The following SMAD6 variants were observed in gnomAD, a reference collection of about 807,000 sequenced individuals.
SMAD6 encodes the protein SMAD family member 6.
A neutral mutation model predicts 39.4 loss-of-function variants in SMAD6; 103 were observed. The observed-to-expected ratio is 2.62, with a 90% confidence interval of 2.23 to 3.08. The LOEUF (loss-of-function observed/expected upper bound fraction) is 3.08, where lower values mean the gene tolerates loss of function less well. SMAD6 is among the 30% of genes most tolerant of loss of function. The pLI, the probability that SMAD6 is intolerant of heterozygous loss-of-function variation, is 0.00. For missense variants in SMAD6, 1,104 were observed against 742.9 expected (o/e 1.49, Z -5.65); for synonymous variants, 445 against 353.3 (o/e 1.26, Z -2.91).
At position 66,781,578 on chromosome 15, in the gene SMAD6, C is replaced by T. The variant is rs760233411; in HGVS notation, c.*43C>T. The T allele has an allele frequency of 8.4e-6, 12 of 1,420,138 alleles. No homozygotes were observed. The highest frequency in any genetic ancestry group is 7.5e-5 in the East Asian group (3 of 40,088). The allele number at this position is 1,420,138 out of a possible 1,614,324, so 88.0% of individuals were successfully genotyped here. A position where few individuals can be genotyped will look rare whatever the true frequency, so the allele number is the denominator to read the frequency against. ...GGGGCGGGTGGGAGGCCGCGGCCAC[C>T]GCCACCTGCCGGCCTCGAGAGGGGC... On this transcript the variant is annotated 3_prime_UTR_variant, in exon 4 of 4. Coordinates refer to ENST00000288840, the MANE Select transcript of SMAD6 (RefSeq NM_005585.5).
chr15:66,730,853 A>G (rs1483296203), intron 3 of SMAD6, among the ~76,000 whole-genome samples: 9 of 152,226 alleles, frequency 5.9e-5, no homozygotes, highest in Admixed American at 5.2e-4. Context: ...GTAAATACAG[A>G]GCTGGGGTTT....
chr15:66,706,787 G>A (rs1226273175), intron 1 of SMAD6: 1 of 152,380 alleles, frequency 6.6e-6, no homozygotes, highest in East Asian at 1.9e-4. Flanking sequence ...CCCGGTGACA[G>A]AAGACCCCTT....
chr15:66,780,492 G>A (rs907427772), intron 3 of SMAD6, among the ~76,000 whole-genome samples: 2 of 152,258 alleles, frequency 1.3e-5, no homozygotes, highest in Non-Finnish European at 1.5e-5. Context: ...AAATTCTGGC[G>A]GGGTGCCCTC....
intron 3 of SMAD6, among the ~76,000 whole-genome samples, chr15:66,732,284 A>G (rs1385184656): frequency 1.1e-4 from 17 of 152,202 alleles, no homozygotes. Context: ...GATGTTGGAC[A>G]TGTTTTCATG....
intron 3 of SMAD6, among the ~76,000 whole-genome samples, chr15:66,773,150 T>G (rs116693859): frequency 0.01 from 1,481 of 142,448 alleles, 25 homozygotes; most frequent in African/African-American, 0.036. Flanking sequence ...AATGACCGAT[T>G]AGGAACTTCC....
At position 66,702,273 on chromosome 15, in the gene SMAD6, T is replaced by G. The variant is rs1345209346; in HGVS notation, c.-986T>G. ...GCAGCCAATGACTCCGCGGCGCTCC[T>G]CCGGGGGCCCTCAGTGTGCGTTTGA... On this transcript the variant is annotated 5_prime_UTR_variant, in exon 1 of 4. Transcript: ENST00000288840. 2 of 152,156 alleles carry G rather than the reference T, an allele frequency of 1.3e-5. No individual in the cohort carries two copies. The highest frequency in any genetic ancestry group is 2.4e-5 in the African/African-American group (1 of 41,410). 9.4% of individuals were successfully genotyped at this position (152,156 alleles called of 1,614,324 possible). A position where few individuals can be genotyped will look rare whatever the true frequency, so the allele number is the denominator to read the frequency against.
intron 3 of SMAD6, among the ~76,000 whole-genome samples, chr15:66,750,340 G>A (rs1893981795): frequency 6.6e-6 from 1 of 152,178 alleles, no homozygotes; most frequent in African/African-American, 2.4e-5. Flanking sequence ...TGAGGACAAG[G>A]ACAAGTGTCC....
At chr15:66,775,955 G>C (rs1894460195) in intron 3 of SMAD6, among the ~76,000 whole-genome samples, 1 of 152,198 alleles carries the variant, frequency 6.6e-6, no homozygotes, top group Non-Finnish European at 1.5e-5. Flanking sequence ...TGGGGACCAT[G>C]GGTTAGGGGG....
chr15:66,708,292 A>G, intron 1 of SMAD6: 1 of 158,830 alleles, frequency 6.3e-6, no homozygotes, highest in Non-Finnish European at 1.4e-5. Flanking sequence ...AACTTCTAAG[A>G]GGGGAGTGGA....
chr15:66,735,303 A>G (rs558368271), intron 3 of SMAD6, among the ~76,000 whole-genome samples: 2 of 152,190 alleles, frequency 1.3e-5, no homozygotes, highest in Non-Finnish European at 2.9e-5. Flanking sequence ...GTTGGGAGTT[A>G]TGACTCTTTC....
chr15:66,750,200 C>T (rs569841222), intron 3 of SMAD6, among the ~76,000 whole-genome samples: 2 of 152,168 alleles, frequency 1.3e-5, no homozygotes, highest in Non-Finnish European at 2.9e-5. Flanking sequence ...GGGCCAGTCA[C>T]CACTGAGTAA....
At chr15:66,716,607 C>T in intron 3 of SMAD6, 109 bp downstream of exon 3, 1 of 829,036 alleles carries the variant, frequency 1.2e-6, no homozygotes, top group African/African-American at 1.7e-5. Flanking sequence ...CTTTTTGTTT[C>T]CCTTTTCCTC....
chr15:66,714,628 A>G (rs1227476290), intron 2 of SMAD6, among the ~76,000 whole-genome samples: 5 of 152,206 alleles, frequency 3.3e-5, no homozygotes, highest in Non-Finnish European at 1.5e-5. Context: ...TGCTTGACTC[A>G]TAGTGGAGGC....
intron 2 of SMAD6, among the ~76,000 whole-genome samples, chr15:66,712,707 A>G (rs951125494): frequency 3.3e-5 from 5 of 151,222 alleles, no homozygotes; most frequent in Non-Finnish European, 7.4e-5. Flanking sequence ...AAAAAAAAAA[A>G]AAAAGAGTAG....
intron 3 of SMAD6, among the ~76,000 whole-genome samples, chr15:66,762,372 G>T (rs761847695): frequency 1.3e-5 from 2 of 152,168 alleles, no homozygotes; most frequent in Non-Finnish European, 2.9e-5. Flanking sequence ...CGCCTCTCTG[G>T]CATCTCAGTG....
In SMAD6 at chr15:66,703,902, TG is replaced by T; in HGVS notation, c.647del (p.Gly216AlafsTer26). 1 of 1,291,846 alleles carries T rather than the reference TG, an allele frequency of 7.7e-7. No individual in the cohort carries two copies. Among genetic ancestry groups the T allele is most frequent in the Non-Finnish European group, 9.8e-7 (1 of 1,024,600 alleles). The allele number at this position is 1,291,846 out of a possible 1,614,324, so 80.0% of individuals were successfully genotyped here. A position where few individuals can be genotyped will look rare whatever the true frequency, so the allele number is the denominator to read the frequency against. ...CTGGTGCCGCGCGCCGACCTCCGCCTGGGCGGCCAGCCCGCGCCGCCGCAGC... is the reference window on the plus strand; with the variant it reads ...CTGGTGCCGCGCGCCGACCTCCGCCTGGCGGCCAGCCCGCGCCGCCGCAGC... ...CVLVPRADLRLGGQPAPPQLL... is the reference protein window; with the variant it reads ...CVLVPRADLRXGGQPAPPQLL... On this transcript the variant is annotated frameshift_variant, in exon 1 of 4. Coordinates refer to ENST00000288840, the MANE Select transcript of SMAD6 (RefSeq NM_005585.5). LOFTEE classifies it high-confidence loss of function.
At chr15:66,722,012 A>G (rs191611103) in intron 3 of SMAD6, among the ~76,000 whole-genome samples, 1 of 152,312 alleles carries the variant, frequency 6.6e-6, no homozygotes, top group Admixed American at 6.5e-5. Flanking sequence ...TGTGAAAAGA[A>G]CTTGATGTTG....
At chr15:66,723,666 C>G (rs1053153607) in intron 3 of SMAD6, among the ~76,000 whole-genome samples, 1 of 152,076 alleles carries the variant, frequency 6.6e-6, no homozygotes, top group Non-Finnish European at 1.5e-5. Context: ...CAGAACAAGA[C>G]CCTGTCTCTA....
intron 1 of SMAD6, 31 bp downstream of exon 1, chr15:66,704,106 C>T (rs910691073): frequency 1.4e-6 from 2 of 1,393,638 alleles, no homozygotes; most frequent in African/African-American, 3.0e-5. Flanking sequence ...GGGGGGGCCC[C>T]GGGTCCCCGT....
Sources: gnomAD v4.1 joint callset for allele counts (sites outside exome capture counted in the v4.1 genomes callset) on GRCh38, gnomAD v4.1.1 for gene constraint, MANE v1.5 for transcripts, NCBI Gene and HGNC (gene_info 2026-07-23, HGNC 2026-07-21) for gene names.